Variants in RCOR1 observed in about 807,000 individuals in gnomAD.
RCOR1 encodes the protein REST corepressor 1.
RCOR1 carries 12 observed loss-of-function variants against 64.0 expected under a neutral mutation model. The ratio of observed to expected loss-of-function variants is 0.19; its 90% CI spans 0.12 to 0.30. The LOEUF (loss-of-function observed/expected upper bound fraction) is 0.30. Among genes scored for constraint, RCOR1 ranks in the 10% least tolerant of loss-of-function variants. The pLI is 1.00. For synonymous variants in RCOR1, 279 were observed against 227.2 expected (o/e 1.23, Z -2.05); for missense variants, 502 against 621.2 (o/e 0.81, Z 2.04).
In RCOR1 at chr14:102,610,800, C is replaced by T. The variant is rs866850409; in HGVS notation, c.361+17475C>T. On this transcript the variant is annotated intron_variant, in intron 2 of 11. Transcript: ENST00000262241. ...CAATCTCCTGACCTCATGATCCACC[C>T]GCCTCAGCCTCCCAAAGTGCAGGGA... Among the ~76,000 whole-genome samples, 67 of 152,166 alleles carry T rather than the reference C, an allele frequency of 4.4e-4. 1 individual carries two copies. Among genetic ancestry groups the T allele is most frequent in the South Asian group, 2.9e-3 (14 of 4,820 alleles).
intron 7 of RCOR1, among the ~76,000 whole-genome samples, chr14:102,711,866 T>C (rs538376872): frequency 1.3e-5 from 2 of 152,332 alleles, no homozygotes; most frequent in African/African-American, 4.8e-5. Flanking sequence ...TGTCAACCTT[T>C]TGGTGACTTT....
intron 2 of RCOR1, among the ~76,000 whole-genome samples, chr14:102,631,452 C>G (rs992496162): frequency 6.6e-6 from 1 of 152,062 alleles, no homozygotes; most frequent in African/African-American, 2.4e-5. Context: ...ATCCGCCTGC[C>G]TTGGCCTCCC....
intron 2 of RCOR1, among the ~76,000 whole-genome samples, chr14:102,636,018 C>T (rs1057252295): frequency 1.3e-5 from 2 of 152,130 alleles, no homozygotes; most frequent in Non-Finnish European, 1.5e-5. Flanking sequence ...CTGCAACCTC[C>T]GCCTCCCAGG....
At chr14:102,644,933 G>A (rs1894449835) in intron 2 of RCOR1, among the ~76,000 whole-genome samples, 1 of 152,160 alleles carries the variant, frequency 6.6e-6, no homozygotes, top group Admixed American at 6.5e-5. Context: ...CCTAAGAAAT[G>A]GCTGATTTTT....
intron 2 of RCOR1, among the ~76,000 whole-genome samples, chr14:102,668,806 CT>C (rs1178526280): frequency 2.6e-5 from 4 of 151,966 alleles, no homozygotes; most frequent in African/African-American, 9.7e-5. Context: ...CTTTTAAATT[CT>C]TCGTGAAATC....
At position 102,594,267 on chromosome 14, in the gene RCOR1, A is replaced by G. The variant is rs531840228; in HGVS notation, c.361+942A>G. Among the ~76,000 whole-genome samples the G allele has an allele frequency of 6.9e-4, 105 of 152,358 alleles. 1 individual carries two copies. Among genetic ancestry groups the G allele is most frequent in the African/African-American group, 2.4e-3 (100 of 41,586 alleles). On this transcript the variant is annotated intron_variant, in intron 2 of 11. Transcript: ENST00000262241. The stretch of plus-strand genomic sequence containing the variant: ...TTTCAGAAATAAAATTCAAAAGAGC[A>G]TCTTGTAAAGCTGGAGTTAACAATC...
At chr14:102,676,783 C>T (rs1490577961) in intron 2 of RCOR1, among the ~76,000 whole-genome samples, 9 of 87,534 alleles carry the variant, frequency 1.0e-4, no homozygotes, top group African/African-American at 3.3e-4. Flanking sequence ...CAGAGGGGTC[C>T]TCACTTCCCA....
At chr14:102,701,138 C>G (rs1895749674) in intron 3 of RCOR1, 140 bp from the exon 4 acceptor site, 4 of 720,444 alleles carry the variant, frequency 5.6e-6, no homozygotes, top group Non-Finnish European at 9.9e-6. Context: ...GTGGGAGATA[C>G]AAATCAAAAT....
chr14:102,624,621 C>G (rs1254935589), intron 2 of RCOR1, among the ~76,000 whole-genome samples: 1 of 152,008 alleles, frequency 6.6e-6, no homozygotes. Context: ...CAAAAATTAG[C>G]CAGGTGTGAT....
At chr14:102,631,206 CT>C (rs760075418) in intron 2 of RCOR1, among the ~76,000 whole-genome samples, 197 of 141,958 alleles carry the variant, frequency 1.4e-3, no homozygotes, top group Middle Eastern at 3.6e-3. Flanking sequence ...TAGTCCAGAC[CT>C]TTTTTTTTTT....
chr14:102,662,609 T>A lies in RCOR1; in HGVS notation c.362-19286T>A, dbSNP rs140930374. On this transcript the variant is annotated intron_variant, in intron 2 of 11. Coordinates refer to ENST00000262241, the MANE Select transcript of RCOR1 (RefSeq NM_015156.4). ...TGTGTGGATCTTTTTTTTTTCCGGC[T>A]GTGGACGCCTTTCAACACTGCTTTC... 3.9e-3 allele frequency: 1,736 copies of A among 450,096 alleles called. 30 individuals carry two copies. Among genetic ancestry groups the A allele is most frequent in the African/African-American group, 0.032 (1,580 of 49,138 alleles). The allele number at this position is 450,096 out of a possible 1,614,324, so 27.9% of individuals were successfully genotyped here.
intron 2 of RCOR1, among the ~76,000 whole-genome samples, chr14:102,659,555 T>C (rs974161006): frequency 6.6e-6 from 1 of 152,188 alleles, no homozygotes; most frequent in African/African-American, 2.4e-5. Flanking sequence ...GGAATAGGCA[T>C]GGGGTCCTTG....
intron 2 of RCOR1, among the ~76,000 whole-genome samples, chr14:102,653,946 TC>T (rs1567423256): frequency 0.072 from 4,902 of 67,682 alleles, 578 homozygotes; most frequent in African/African-American, 0.13. Context: ...TTTCTTTCTT[TC>T]TTTCTTTCTT....
rs1026527106 is a variant in RCOR1 at position 102,593,021 on chromosome 14, C to A, written c.135C>A (p.Ala45=). The A allele has an allele frequency of 2.4e-6, 3 of 1,243,196 alleles. No homozygotes were observed. 77.0% of individuals were successfully genotyped at this position (1,243,196 alleles called of 1,614,324 possible). The part of the protein sequence containing the change: ...SAACASPAAT[A]ASGAAASSAS... ...CCTGCGCCTCGCCAGCCGCCACTGC[C>A]GCCTCGGGCGCCGCCGCCTCCTCAG... The change falls in exon 1 of 12, where the codon GCC becomes GCA. Residue 45 remains alanine, a synonymous_variant. Coordinates refer to ENST00000262241, the MANE Select transcript of RCOR1 (RefSeq NM_015156.4).
chr14:102,708,577 A>T lies in RCOR1; in HGVS notation c.773A>T (p.Glu258Val), dbSNP rs1248178330. ...GCCCGGAAACAAAAACGGGAGCGGG[A>T]GGAGAGGTGAGCACATGGCTGGGGT... The part of the protein sequence containing the change: ...RHARKQKRER[E>V]ESEDELEEAN... The change falls in exon 6 of 12, where the codon GAG (glutamate) becomes GTG (valine). Residue 258 changes from glutamate (E) to valine (V), a missense_variant. By Grantham distance (121) the Glu-to-Val change is moderately radical. Transcript: ENST00000262241. 6.3e-7 allele frequency: 1 copy of T among 1,582,150 alleles called. No individual in the cohort carries two copies. The highest frequency in any genetic ancestry group is 8.7e-7 in the Non-Finnish European group (1 of 1,151,216).
intron 2 of RCOR1, among the ~76,000 whole-genome samples, chr14:102,654,790 T>C (rs1465781654): frequency 1.3e-5 from 2 of 149,778 alleles, no homozygotes; most frequent in Admixed American, 1.3e-4. Flanking sequence ...GGTTGAGTTT[T>C]TTTTTTTTTT....
At chr14:102,620,944 CT>C in intron 2 of RCOR1, among the ~76,000 whole-genome samples, 1 of 152,148 alleles carries the variant, frequency 6.6e-6, no homozygotes, top group East Asian at 1.9e-4. Flanking sequence ...TAAAAACAAT[CT>C]AAACACAGAT....
chr14:102,639,264 CTTTTTT>C (rs11306200), intron 2 of RCOR1, among the ~76,000 whole-genome samples: 2 of 125,560 alleles, frequency 1.6e-5, no homozygotes, highest in African/African-American at 5.9e-5. Context: ...TTCTTTCTTT[CTTTTTT>C]TTTTTTTTTT....
chr14:102,665,194 A>G (rs764912075), intron 2 of RCOR1, among the ~76,000 whole-genome samples: 3 of 151,888 alleles, frequency 2.0e-5, no homozygotes, highest in Non-Finnish European at 4.4e-5. Context: ...TAGTAGAGAT[A>G]GAGTTTCTCC....
Sources: allele counts gnomAD v4.1 joint callset (sites outside exome capture counted in the v4.1 genomes callset), GRCh38; gene constraint gnomAD v4.1.1; transcripts MANE v1.5; gene names NCBI Gene and HGNC (gene_info 2026-07-23, HGNC 2026-07-21).